BMP6: variants seen among roughly 807,000 people sequenced by gnomAD.
BMP6 encodes the protein bone morphogenetic protein 6.
A neutral mutation model predicts 54.1 loss-of-function variants in BMP6; 17 were observed. The ratio of observed to expected loss-of-function variants is 0.31; its 90% CI spans 0.22 to 0.47. BMP6 has a LOEUF of 0.47. Ranked by LOEUF, BMP6 falls within the 20% of genes least tolerant of loss-of-function variation. BMP6 has a pLI of 1.00. For missense variants in BMP6, 720 were observed against 690.4 expected (o/e 1.04, Z -0.48); for synonymous variants, 328 against 291.2 (o/e 1.13, Z -1.28).
intron 1 of BMP6, among the ~76,000 whole-genome samples, chr6:7,774,817 G>A (rs192067596): frequency 8.3e-4 from 127 of 152,340 alleles, no homozygotes; most frequent in African/African-American, 3.0e-3. Context: ...CAATGCCACA[G>A]GCTTGGCAAT....
chr6:7,811,624 A>G (rs147452010), intron 1 of BMP6, among the ~76,000 whole-genome samples: 106 of 152,270 alleles, frequency 7.0e-4, no homozygotes, highest in African/African-American at 2.4e-3. Flanking sequence ...AGTTCAGGGT[A>G]GTGTTCTTTT....
At chr6:7,780,736 C>G (rs1420323652) in intron 1 of BMP6, among the ~76,000 whole-genome samples, 1 of 150,938 alleles carries the variant, frequency 6.6e-6, no homozygotes, top group Non-Finnish European at 1.5e-5. Context: ...TATTTTGAGA[C>G]AGTCTCACTC....
intron 1 of BMP6, among the ~76,000 whole-genome samples, chr6:7,734,628 T>C (rs1761925291): frequency 6.6e-6 from 1 of 152,242 alleles, no homozygotes; most frequent in African/African-American, 2.4e-5. Flanking sequence ...TCCAAAGGAC[T>C]GTTGACTCCA....
chr6:7,808,409 G>T (rs931412387), intron 1 of BMP6, among the ~76,000 whole-genome samples: 1 of 152,090 alleles, frequency 6.6e-6, no homozygotes, highest in Non-Finnish European at 1.5e-5. Context: ...AGCCTCTTGG[G>T]GGGGCGATCA....
At chr6:7,780,158 G>A (rs928005320) in intron 1 of BMP6, among the ~76,000 whole-genome samples, 4 of 152,266 alleles carry the variant, frequency 2.6e-5, no homozygotes, top group Admixed American at 6.5e-5. Context: ...AAATGTTCTC[G>A]CACTTGTGTT....
intron 1 of BMP6, among the ~76,000 whole-genome samples, chr6:7,738,066 A>G (rs528381757): frequency 6.6e-6 from 1 of 152,016 alleles, no homozygotes; most frequent in South Asian, 2.1e-4. Context: ...CTAGATCAGC[A>G]TTTTTCAAAA....
intron 1 of BMP6, among the ~76,000 whole-genome samples, chr6:7,812,273 G>A (rs553221300): frequency 6.6e-6 from 1 of 152,192 alleles, no homozygotes; most frequent in Non-Finnish European, 1.5e-5. Context: ...TTAGAAAAAG[G>A]TTCCTTTGGT....
chr6:7,852,332 A>C (rs1209127626), intron 2 of BMP6, among the ~76,000 whole-genome samples: 1 of 152,196 alleles, frequency 6.6e-6, no homozygotes, highest in East Asian at 1.9e-4. Context: ...CAGCACTTTG[A>C]GAGGCCAAGG....
chr6:7,862,325 C>G lies in BMP6; in HGVS notation c.1031C>G (p.Ala344Gly). Residue 344 changes from alanine to glycine, a missense_variant, in exon 4 of 7, where the codon GCA (alanine) becomes GGA (glycine). Physicochemically the swap from Ala to Gly is moderately conservative, Grantham distance 60. Coordinates refer to ENST00000283147, the MANE Select transcript of BMP6 (RefSeq NM_001718.6). The part of the protein sequence containing the change: ...RDGVHVHPRA[A>G]GLVGRDGPYD... ...GGAGTCCACGTCCACCCCCGAGCCG[C>G]AGGCCTGGTGGGCAGAGACGGCCCT... 1 of 1,614,234 alleles carries G rather than the reference C, an allele frequency of 6.2e-7. No homozygotes were observed. Among genetic ancestry groups the G allele is most frequent in the South Asian group, 1.1e-5 (1 of 91,084 alleles).
chr6:7,873,341 A>G (rs1759558971), intron 4 of BMP6, among the ~76,000 whole-genome samples: 2 of 152,208 alleles, frequency 1.3e-5, no homozygotes, highest in African/African-American at 4.8e-5. Flanking sequence ...TCATAGGTTT[A>G]TTATAAGAGG....
At chr6:7,817,703 C>T (rs1452351367) in intron 1 of BMP6, among the ~76,000 whole-genome samples, 1 of 151,384 alleles carries the variant, frequency 6.6e-6, no homozygotes, top group Admixed American at 6.6e-5. Context: ...TGCACATGTA[C>T]CCTAGAACTT....
intron 1 of BMP6, among the ~76,000 whole-genome samples, chr6:7,792,883 C>T (rs1758130732): frequency 6.6e-6 from 1 of 152,308 alleles, no homozygotes; most frequent in East Asian, 1.9e-4. Flanking sequence ...GTTTCATACT[C>T]AAGGGTCTAG....
chr6:7,765,279 G>C (rs1446385042), intron 1 of BMP6, among the ~76,000 whole-genome samples: 1 of 152,178 alleles, frequency 6.6e-6, no homozygotes, highest in Non-Finnish European at 1.5e-5. Context: ...CCAGAGAGGG[G>C]GAAACCCCAG....
chr6:7,775,088 C>T (rs34923225), intron 1 of BMP6, among the ~76,000 whole-genome samples: 13,970 of 152,258 alleles, frequency 0.092, 804 homozygotes, highest in East Asian at 0.33. Flanking sequence ...GCAGATCCCT[C>T]GTGACCTAAT....
intron 2 of BMP6, among the ~76,000 whole-genome samples, chr6:7,846,895 C>T (rs1032841492): frequency 6.6e-6 from 1 of 152,142 alleles, no homozygotes; most frequent in Non-Finnish European, 1.5e-5. Flanking sequence ...GTTAGAATAA[C>T]CTACTGGTAT....
intron 2 of BMP6, among the ~76,000 whole-genome samples, chr6:7,846,281 A>AC (rs1201229712): frequency 6.6e-6 from 1 of 152,214 alleles, no homozygotes; most frequent in Non-Finnish European, 1.5e-5. Flanking sequence ...GGTTTTATAA[A>AC]CCAAGTCCAG....
chr6:7,806,212 A>G (rs73381650), intron 1 of BMP6, among the ~76,000 whole-genome samples: 12,217 of 152,298 alleles, frequency 0.08, 1,611 homozygotes, highest in African/African-American at 0.28. Context: ...ACCCTCACAC[A>G]TAGCAGATCA....
intron 2 of BMP6, among the ~76,000 whole-genome samples, chr6:7,858,153 G>A (rs910813979): frequency 4.6e-5 from 7 of 152,276 alleles, no homozygotes; most frequent in Admixed American, 2.6e-4. Context: ...TGCGATCATG[G>A]CTCACTGCAG....
chr6:7,846,277 A>G (rs1759062591), intron 2 of BMP6, among the ~76,000 whole-genome samples: 1 of 152,216 alleles, frequency 6.6e-6, no homozygotes, highest in Admixed American at 6.5e-5. Flanking sequence ...ATTTGGTTTT[A>G]TAAACCAAGT....
Sources: gnomAD v4.1 joint callset for allele counts (sites outside exome capture counted in the v4.1 genomes callset) on GRCh38, gnomAD v4.1.1 for gene constraint, MANE v1.5 for transcripts, NCBI Gene and HGNC (gene_info 2026-07-23, HGNC 2026-07-21) for gene names.